Variants in CEP41 observed in about 807,000 individuals in gnomAD.
CEP41 encodes the protein centrosomal protein 41.
Under a neutral mutation model 44.3 loss-of-function variants are expected in CEP41, and 32 were observed. The ratio of observed to expected loss-of-function variants is 0.72; its 90% CI spans 0.54 to 0.97. The LOEUF (loss-of-function observed/expected upper bound fraction) is 0.97, where lower values mean the gene tolerates loss of function less well. CEP41 is among the 50% of genes least tolerant of loss of function. CEP41 has a pLI of 0.00. For missense variants in CEP41, 432 were observed against 455.2 expected (o/e 0.95, Z 0.46); for synonymous variants, 151 against 168.5 (o/e 0.90, Z 0.80).
Position 130,398,828 on chromosome 7 carries a change from G to A in CEP41, c.*63C>T, listed in dbSNP as rs781893775. Reference sequence around the variant, plus strand: ...GAAGTTTCTGGAAATGACCCAACTTGGGAAATGCTCAGGGGTTCTGAAAAG... The same window carrying A: ...GAAGTTTCTGGAAATGACCCAACTTAGGAAATGCTCAGGGGTTCTGAAAAG... On this transcript the variant is annotated 3_prime_UTR_variant, in exon 11 of 11. Transcript: ENST00000223208. The A allele has an allele frequency of 5.9e-5, 93 of 1,588,266 alleles. No homozygotes were observed. The African/African-American group carries it at 1.2e-3, about 20-fold the overall frequency.
In CEP41 at chr7:130,394,206, C is replaced by T. The variant is rs1796597788; in HGVS notation, c.*4685G>A. 1 of 453,954 alleles carries T rather than the reference C, an allele frequency of 2.2e-6. No homozygotes were observed. The highest frequency in any genetic ancestry group is 6.9e-4 in the Middle Eastern group (1 of 1,444). The allele number at this position is 453,954 out of a possible 1,614,324, so 28.1% of individuals were successfully genotyped here. A position where few individuals can be genotyped will look rare whatever the true frequency, so the allele number is the denominator to read the frequency against. On this transcript the variant is annotated 3_prime_UTR_variant, in exon 11 of 11. Transcript: ENST00000223208. ...TAGAGCGGAGTGGCTGAAAGAACAC[C>T]CTCTGGAGCCACAGTTCTCAGGCTG... is the stretch of plus-strand genomic sequence containing the variant.
rs1287674580 is a variant in CEP41 at position 130,396,709 on chromosome 7, T to C, written c.*2182A>G. On this transcript the variant is annotated 3_prime_UTR_variant, in exon 11 of 11. Transcript: ENST00000223208. The stretch of plus-strand genomic sequence containing the variant: ...TAACACTTAACATGCAAAACGCAGA[T>C]TAGAACAGCTCTTTTGAGCATGGTT... The C allele has an allele frequency of 2.2e-5, 10 of 454,392 alleles. No homozygotes were observed. Among genetic ancestry groups the C allele is most frequent in the African/African-American group, 2.0e-4 (10 of 49,992 alleles). 28.1% of individuals were successfully genotyped at this position (454,392 alleles called of 1,614,324 possible). A position where few individuals can be genotyped will look rare whatever the true frequency, so the allele number is the denominator to read the frequency against.
In CEP41 at chr7:130,398,099, G is replaced by A. The variant is rs781892889; in HGVS notation, c.*792C>T. 2.2e-6 allele frequency: 1 copy of A among 454,062 alleles called. No individual in the cohort carries two copies. Among genetic ancestry groups the A allele is most frequent in the South Asian group, 1.6e-5 (1 of 64,474 alleles). 28.1% of individuals were successfully genotyped at this position (454,062 alleles called of 1,614,324 possible). On this transcript the variant is annotated 3_prime_UTR_variant, in exon 11 of 11. Transcript: ENST00000223208. ...CAATGGGCGTCATAACTGATATACT[G>A]ACCACAAGTGAGGGCCGCTTTGGTG...
rs1797203213 is a variant in CEP41 at position 130,412,210 on chromosome 7, T to C, written c.176A>G (p.Lys59Arg). 2.6e-6 allele frequency: 4 copies of C among 1,553,966 alleles called. No homozygotes were observed. Among genetic ancestry groups the C allele is most frequent in the Non-Finnish European group, 3.6e-6 (4 of 1,125,218 alleles). ...GGCAAAAGTTGTAACTTTTAGTCTC[T>C]TGAAAAGCTCATCTTTTTTGTATCT... Reference protein sequence around the residue: ...NYRYKKDELFKRLKVTTFAQL... With the variant: ...NYRYKKDELFRRLKVTTFAQL... The change falls in exon 4 of 11, where the codon AAG (lysine) becomes AGG (arginine). Residue 59 changes from lysine (K) to arginine (R), a missense_variant. Transcript: ENST00000223208.
At chr7:130,433,576 C>T (rs991608702) in intron 1 of CEP41, among the ~76,000 whole-genome samples, 1 of 152,100 alleles carries the variant, frequency 6.6e-6, no homozygotes, top group African/African-American at 2.4e-5. Flanking sequence ...TTGAAAACAA[C>T]CAAAAATGTC....
intron 2 of CEP41, 171 bp from the exon 3 acceptor site, chr7:130,417,137 G>A (rs746517175): frequency 5.4e-5 from 76 of 1,409,150 alleles, no homozygotes; most frequent in Non-Finnish European, 6.4e-5. Flanking sequence ...ATAATACAGC[G>A]TTATTAAAAG....
rs191815481 is a variant in CEP41, at chr7:130,419,501, T to C, written c.98-2535A>G. 629 of 984,484 alleles carry C rather than the reference T, an allele frequency of 6.4e-4. 4 individuals are homozygous for C. In the African/African-American group the frequency reaches 0.01, roughly 16 times the overall value. 61.0% of individuals were successfully genotyped at this position (984,484 alleles called of 1,614,324 possible). A position where few individuals can be genotyped will look rare whatever the true frequency, so the allele number is the denominator to read the frequency against. ...TTAAAAAGATTGGAAATGAATCCAT[T>C]TCATAATTCACTTATTTATAAACAT... On this transcript the variant is annotated intron_variant, in intron 2 of 10. Transcript: ENST00000223208.
chr7:130,421,104 G>C lies in CEP41; in HGVS notation c.98-4138C>G, dbSNP rs1584893406. ...AACAAAACTTTACAATTAGAATCAA[G>C]AGGAAGAAACAACCCGACTATAGCA... On this transcript the variant is annotated intron_variant, in intron 2 of 10. Coordinates refer to ENST00000223208, the MANE Select transcript of CEP41 (RefSeq NM_018718.3). The C allele has an allele frequency of 3.0e-6, 3 of 984,822 alleles. No homozygotes were observed. In the African/African-American group the frequency reaches 5.2e-5, roughly 17 times the overall value. 61.0% of individuals were successfully genotyped at this position (984,822 alleles called of 1,614,324 possible).
intron 5 of CEP41, 147 bp from the exon 6 acceptor site, chr7:130,404,855 G>A (rs1361375482): frequency 2.8e-6 from 2 of 714,926 alleles, no homozygotes; most frequent in East Asian, 5.4e-5. Context: ...TTCCCAAAGT[G>A]TAGTGGACCC....
chr7:130,419,022 C>T lies in CEP41; in HGVS notation c.98-2056G>A, dbSNP rs543393728. 2.5e-4 allele frequency: 239 copies of T among 969,290 alleles called. 2 individuals carry two copies. In the African/African-American group the frequency reaches 3.9e-3, roughly 16 times the overall value. The allele number at this position is 969,290 out of a possible 1,614,324, so 60.0% of individuals were successfully genotyped here. ...GGTTTCTACTAACAAAGTGTCTACA[C>T]TTCATTTCTCCATTAATTACAAACA... is the stretch of plus-strand genomic sequence containing the variant. On this transcript the variant is annotated intron_variant, in intron 2 of 10. Coordinates refer to ENST00000223208, the MANE Select transcript of CEP41 (RefSeq NM_018718.3).
intron 2 of CEP41, among the ~76,000 whole-genome samples, chr7:130,423,595 G>A (rs1554422730): frequency 6.6e-6 from 1 of 152,186 alleles, no homozygotes; most frequent in Non-Finnish European, 1.5e-5. Context: ...GTTACCATAT[G>A]AAAAGCAATT....
rs546692592 is a variant in CEP41, at chr7:130,396,660, G to A, written c.*2231C>T. The A allele has an allele frequency of 4.6e-5, 21 of 454,288 alleles. No homozygotes were observed. The highest frequency in any genetic ancestry group is 7.9e-5 in the Non-Finnish European group (18 of 226,790). The allele number at this position is 454,288 out of a possible 1,614,324, so 28.1% of individuals were successfully genotyped here. A position where few individuals can be genotyped will look rare whatever the true frequency, so the allele number is the denominator to read the frequency against. On this transcript the variant is annotated 3_prime_UTR_variant, in exon 11 of 11. Transcript: ENST00000223208. Reference sequence around the variant, plus strand: ...AGTAGAATGTTAAAAGCAATACCTCGAGCACGTAAAGAATGTTTGATATTA... The same window carrying A: ...AGTAGAATGTTAAAAGCAATACCTCAAGCACGTAAAGAATGTTTGATATTA...
intron 2 of CEP41, among the ~76,000 whole-genome samples, chr7:130,422,940 ACT>A (rs1487747823): frequency 1.3e-5 from 2 of 151,880 alleles, no homozygotes; most frequent in South Asian, 2.1e-4. Flanking sequence ...ATATAAAACA[ACT>A]CTTTTTTTAT....
At position 130,398,380 on chromosome 7, in the gene CEP41, G is replaced by C. The variant is rs1554415780; in HGVS notation, c.*511C>G. Reference sequence around the variant, plus strand: ...TTGCTGAGTGAGCCTGCTGGGGTGGGGTCTGCAGGCGGCTGGAACCTAAGG... The same window carrying C: ...TTGCTGAGTGAGCCTGCTGGGGTGGCGTCTGCAGGCGGCTGGAACCTAAGG... On this transcript the variant is annotated 3_prime_UTR_variant, in exon 11 of 11. Coordinates refer to ENST00000223208, the MANE Select transcript of CEP41 (RefSeq NM_018718.3). The C allele has an allele frequency of 2.2e-6, 1 of 453,914 alleles. No individual in the cohort carries two copies. Among genetic ancestry groups the C allele is most frequent in the African/African-American group, 2.0e-5 (1 of 49,958 alleles). 28.1% of individuals were successfully genotyped at this position (453,914 alleles called of 1,614,324 possible). A position where few individuals can be genotyped will look rare whatever the true frequency, so the allele number is the denominator to read the frequency against.
Position 130,407,404 on chromosome 7 carries a change from G to A in CEP41, c.278-2696C>T, listed in dbSNP as rs143297241. On this transcript the variant is annotated intron_variant, in intron 5 of 10. Coordinates refer to ENST00000223208, the MANE Select transcript of CEP41 (RefSeq NM_018718.3). ...GTTTTTGATATGTATGAGGAAATAG[G>A]AAAATATATGTATATACATACATAA... Among the ~76,000 whole-genome samples, 1,489 of 151,940 alleles carry A rather than the reference G, an allele frequency of 9.8e-3. 13 individuals carry two copies. Among genetic ancestry groups the A allele is most frequent in the Non-Finnish European group, 0.015 (1,004 of 67,952 alleles).
intron 3 of CEP41, among the ~76,000 whole-genome samples, chr7:130,416,187 C>T (rs1463004068): frequency 2.0e-5 from 3 of 152,234 alleles, no homozygotes; most frequent in Non-Finnish European, 4.4e-5. Context: ...TACCTCTTTA[C>T]CACCATTAAC....
chr7:130,437,470 T>C (rs1404944386), intron 1 of CEP41, among the ~76,000 whole-genome samples: 2 of 151,414 alleles, frequency 1.3e-5, no homozygotes, highest in South Asian at 2.1e-4. Flanking sequence ...CACTAAGCAA[T>C]GTTTTGCAAG....
At chr7:130,440,855 G>A (rs1554427455) in intron 1 of CEP41, 79 bp downstream of exon 1, 4 of 1,547,842 alleles carry the variant, frequency 2.6e-6, no homozygotes, top group South Asian at 1.1e-5. Flanking sequence ...GGAAGTCGCT[G>A]GCTGCTCTTC....
In CEP41 at chr7:130,397,827, C is replaced by A. The variant is rs1554415480; in HGVS notation, c.*1064G>T. 1 of 446,194 alleles carries A rather than the reference C, an allele frequency of 2.2e-6. No homozygotes were observed. Among genetic ancestry groups the A allele is most frequent in the Admixed American group, 2.4e-5 (1 of 42,218 alleles). The allele number at this position is 446,194 out of a possible 1,614,324, so 27.6% of individuals were successfully genotyped here. A position where few individuals can be genotyped will look rare whatever the true frequency, so the allele number is the denominator to read the frequency against. Reference sequence around the variant, plus strand: ...TGCTGATTCAAAATTCCGGCCAAAACCAGAATCTATAATCACAACTTCCTA... The same window carrying A: ...TGCTGATTCAAAATTCCGGCCAAAAACAGAATCTATAATCACAACTTCCTA... On this transcript the variant is annotated 3_prime_UTR_variant, in exon 11 of 11. Coordinates refer to ENST00000223208, the MANE Select transcript of CEP41 (RefSeq NM_018718.3).
Sources: gnomAD v4.1 joint callset for allele counts (sites outside exome capture counted in the v4.1 genomes callset) on GRCh38, gnomAD v4.1.1 for gene constraint, MANE v1.5 for transcripts, NCBI Gene and HGNC (gene_info 2026-07-23, HGNC 2026-07-21) for gene names.